The following LHFPL6 variants were observed in gnomAD, a reference collection of about 807,000 sequenced individuals.
LHFPL6 encodes LHFPL tetraspan subfamily member 6.
Under a neutral mutation model 20.6 loss-of-function variants are expected in LHFPL6, and 9 were observed. The ratio of observed to expected loss-of-function variants is 0.44; its 90% CI spans 0.26 to 0.76. The LOEUF (loss-of-function observed/expected upper bound fraction) is 0.76. LHFPL6 is among the 30% of genes least tolerant of loss of function. LHFPL6 has a pLI of 0.20. For synonymous variants in LHFPL6, 105 were observed against 98.7 expected, an observed-to-expected ratio of 1.06 and a Z score of -0.38; for missense variants, 218 against 253.5, an observed-to-expected ratio of 0.86 and a Z score of 0.95.
At chr13:39,410,538 C>T (rs1212178631) in intron 2 of LHFPL6, among the ~76,000 whole-genome samples, 1 of 152,128 alleles carries the variant, frequency 6.6e-6, no homozygotes, top group Non-Finnish European at 1.5e-5. Context: ...AGAAACAGAT[C>T]CTCTTTCTCC....
chr13:39,476,729 A>G (rs1224240813), intron 2 of LHFPL6, among the ~76,000 whole-genome samples: 5 of 152,258 alleles, frequency 3.3e-5, no homozygotes, highest in Non-Finnish European at 7.3e-5. Context: ...CATATTTACC[A>G]AGGGACACCA....
chr13:39,511,253 C>T (rs1043715547), intron 2 of LHFPL6, among the ~76,000 whole-genome samples: 5 of 152,150 alleles, frequency 3.3e-5, no homozygotes, highest in Non-Finnish European at 7.3e-5. Context: ...TCTGTATCCA[C>T]TTTCCAATTT....
intron 2 of LHFPL6, among the ~76,000 whole-genome samples, chr13:39,559,999 G>A (rs61306178): frequency 0.017 from 2,623 of 152,198 alleles, 72 homozygotes; most frequent in African/African-American, 0.06. Flanking sequence ...GACAACTGGT[G>A]CAGCATGCCA....
rs557105931 is a variant in LHFPL6, at chr13:39,554,968, G to A, written c.385+45864C>T. On this transcript the variant is annotated intron_variant, in intron 2 of 3. Transcript: ENST00000379589. The stretch of plus-strand genomic sequence containing the variant: ...AATGTGTTGTGGATCTGGGGTCTTA[G>A]AAGTGGGAGGAACTCTTCAGAAAAA... 2.6e-5 allele frequency among the ~76,000 whole-genome samples: 4 copies of A among 152,316 alleles called. No individual in the cohort carries two copies. The East Asian group carries it at 7.7e-4, about 29-fold the overall frequency.
chr13:39,467,733 G>A (rs1461407655), intron 2 of LHFPL6, among the ~76,000 whole-genome samples: 1 of 152,166 alleles, frequency 6.6e-6, no homozygotes, highest in Admixed American at 6.5e-5. Flanking sequence ...CCCAAGTATT[G>A]TCTGTTTAAT....
At chr13:39,488,586 C>T (rs1324852031) in intron 2 of LHFPL6, among the ~76,000 whole-genome samples, 2 of 152,170 alleles carry the variant, frequency 1.3e-5, no homozygotes, top group African/African-American at 2.4e-5. Context: ...ACACACTCTC[C>T]TCACCACGTG....
chr13:39,596,534 T>C (rs139994454), intron 2 of LHFPL6, among the ~76,000 whole-genome samples: 213 of 152,238 alleles, frequency 1.4e-3, no homozygotes, highest in Middle Eastern at 6.8e-3. Flanking sequence ...TTCTGATGCA[T>C]ACTAGAGTTT....
intron 3 of LHFPL6, among the ~76,000 whole-genome samples, chr13:39,370,832 G>A (rs1476886940): frequency 1.3e-5 from 2 of 152,142 alleles, no homozygotes; most frequent in African/African-American, 4.8e-5. Context: ...ACCAATAGCA[G>A]GTTCTCTTGC....
intron 2 of LHFPL6, among the ~76,000 whole-genome samples, chr13:39,479,748 C>T (rs187071135): frequency 1.0e-3 from 152 of 152,256 alleles, no homozygotes; most frequent in African/African-American, 3.4e-3. Context: ...CATATAAACA[C>T]ACAAGCATTT....
chr13:39,480,777 G>C (rs1396242842), intron 2 of LHFPL6, among the ~76,000 whole-genome samples: 1 of 152,080 alleles, frequency 6.6e-6, no homozygotes, highest in African/African-American at 2.4e-5. Flanking sequence ...GTGACTGCAG[G>C]CTTGTCTTTT....
intron 2 of LHFPL6, among the ~76,000 whole-genome samples, chr13:39,599,830 G>A (rs993030076): frequency 2.6e-5 from 4 of 152,104 alleles, no homozygotes; most frequent in African/African-American, 9.7e-5. Flanking sequence ...TTCTTCTTCT[G>A]GATTCTTCAC....
chr13:39,497,024 T>A (rs1450076623), intron 2 of LHFPL6, among the ~76,000 whole-genome samples: 1 of 152,190 alleles, frequency 6.6e-6, no homozygotes, highest in African/African-American at 2.4e-5. Context: ...GGCTGTAAAT[T>A]GTGGAGCTAG....
At chr13:39,548,834 G>A (rs1871058465) in intron 2 of LHFPL6, among the ~76,000 whole-genome samples, 1 of 151,956 alleles carries the variant, frequency 6.6e-6, no homozygotes, top group Non-Finnish European at 1.5e-5. Flanking sequence ...ATAAAAAGAT[G>A]GGATTGTGTC....
intron 2 of LHFPL6, among the ~76,000 whole-genome samples, chr13:39,422,602 A>AAAAAAAAAAAG: frequency 8.7e-6 from 1 of 114,298 alleles, no homozygotes; most frequent in Non-Finnish European, 1.8e-5. Flanking sequence ...AAAAAAAAAA[A>AAAAAAAAAAAG]AAGAAGAAGA....
At chr13:39,592,611 A>G (rs1872644375) in intron 2 of LHFPL6, among the ~76,000 whole-genome samples, 1 of 152,218 alleles carries the variant, frequency 6.6e-6, no homozygotes, top group African/African-American at 2.4e-5. Flanking sequence ...AATCCTCCCT[A>G]ACTCATTTTA....
chr13:39,457,049 C>G (rs79725011), intron 2 of LHFPL6, among the ~76,000 whole-genome samples: 1 of 152,130 alleles, frequency 6.6e-6, no homozygotes, highest in East Asian at 1.9e-4. Context: ...ATCCGCCAGC[C>G]TCGGCCTCCA....
At chr13:39,591,881 A>C (rs1466606787) in intron 2 of LHFPL6, among the ~76,000 whole-genome samples, 1 of 152,154 alleles carries the variant, frequency 6.6e-6, no homozygotes, top group Non-Finnish European at 1.5e-5. Flanking sequence ...GGATTACCTA[A>C]AGTCAGGAGT....
chr13:39,551,269 G>C (rs986679936), intron 2 of LHFPL6, among the ~76,000 whole-genome samples: 4 of 152,028 alleles, frequency 2.6e-5, no homozygotes, highest in African/African-American at 9.7e-5. Context: ...ATCCCATGGG[G>C]GACTGGTGGG....
At chr13:39,463,209 T>A (rs1243211671) in intron 2 of LHFPL6, among the ~76,000 whole-genome samples, 1 of 152,156 alleles carries the variant, frequency 6.6e-6, no homozygotes, top group Non-Finnish European at 1.5e-5. Flanking sequence ...CATTTATATG[T>A]TTGGTATGAG....
Sources: gnomAD v4.1 joint callset for allele counts (sites outside exome capture counted in the v4.1 genomes callset) on GRCh38, gnomAD v4.1.1 for gene constraint, MANE v1.5 for transcripts, NCBI Gene and HGNC (gene_info 2026-07-23, HGNC 2026-07-21) for gene names.